ZNF423: variants seen among roughly 807,000 people sequenced by gnomAD.
The protein encoded by ZNF423 is zinc finger protein 423, also known as Ebf-associated zinc finger protein.
ZNF423 carries 12 observed loss-of-function variants against 95.8 expected under a neutral mutation model. That is an observed-to-expected ratio of 0.13 (90% CI 0.08 to 0.20). ZNF423 has a LOEUF of 0.20. ZNF423 is among the 10% of genes least tolerant of loss of function. The pLI, the probability that ZNF423 is intolerant of heterozygous loss-of-function variation, is 1.00. For missense variants in ZNF423, 1,316 were observed against 1,737.1 expected (o/e 0.76, Z 4.31); for synonymous variants, 749 against 711.9 (o/e 1.05, Z -0.83).
intron 2 of ZNF423, among the ~76,000 whole-genome samples, chr16:49,737,078 C>T (rs1276063969): frequency 6.6e-6 from 1 of 152,036 alleles, no homozygotes; most frequent in Non-Finnish European, 1.5e-5. Flanking sequence ...ACTCACACTG[C>T]CCCATTTCGA....
rs544389788 is a variant in ZNF423 at position 49,660,284 on chromosome 16, A to AATGGATGG, written c.302-21418_302-21411dup. On this transcript the variant is annotated intron_variant, in intron 3 of 7. Transcript: ENST00000563137. The stretch of plus-strand genomic sequence containing the variant: ...TAACTGTGGCATGAATAAATGAATA[A>AATGGATGG]ATGGATGGATGGATGGATGAAATAC... Among the ~76,000 whole-genome samples the AATGGATGG allele has an allele frequency of 1.7e-3, 253 of 152,284 alleles. 4 individuals carry two copies. The highest frequency in any genetic ancestry group is 5.8e-3 in the African/African-American group (242 of 41,554).
chr16:49,556,681 A>G (rs1469884097), intron 5 of ZNF423, among the ~76,000 whole-genome samples: 1 of 152,188 alleles, frequency 6.6e-6, no homozygotes, highest in African/African-American at 2.4e-5. Flanking sequence ...TTCTTTATCC[A>G]CAAGAGAGCA....
chr16:49,572,979 T>C (rs1970396721), intron 5 of ZNF423, among the ~76,000 whole-genome samples: 1 of 152,148 alleles, frequency 6.6e-6, no homozygotes, highest in African/African-American at 2.4e-5. Flanking sequence ...ATGTAGGCTC[T>C]CCATAAGGGA....
chr16:49,715,361 C>T (rs917201653), intron 3 of ZNF423, among the ~76,000 whole-genome samples: 1 of 152,098 alleles, frequency 6.6e-6, no homozygotes, highest in African/African-American at 2.4e-5. Flanking sequence ...GAGAGCTATC[C>T]ACGTGAAAAG....
intron 3 of ZNF423, among the ~76,000 whole-genome samples, chr16:49,725,779 A>G (rs1432764306): frequency 6.6e-6 from 1 of 152,176 alleles, no homozygotes; most frequent in East Asian, 1.9e-4. Context: ...TGGAGGAGGC[A>G]ACACCTGCTC....
At chr16:49,592,120 A>G (rs1971028718) in intron 5 of ZNF423, among the ~76,000 whole-genome samples, 1 of 152,242 alleles carries the variant, frequency 6.6e-6, no homozygotes, top group Non-Finnish European at 1.5e-5. Flanking sequence ...CTATTTATTG[A>G]TATGTCTACT....
chr16:49,698,918 A>G (rs1176556772), intron 3 of ZNF423, among the ~76,000 whole-genome samples: 1 of 152,240 alleles, frequency 6.6e-6, no homozygotes, highest in Non-Finnish European at 1.5e-5. Context: ...GAAACCCACC[A>G]GAGACCCGCG....
Position 49,728,078 on chromosome 16 carries a change from C to T in ZNF423, c.301+2693G>A, listed in dbSNP as rs79071734. On this transcript the variant is annotated intron_variant, in intron 3 of 7. Coordinates refer to ENST00000563137, the MANE Select transcript of ZNF423 (RefSeq NM_001379286.1). ...AGTGCCCCCTCAGTCTGACAGGCCC[C>T]AGTACTCACTTCCTACACCCCAAAC... 8.1e-4 allele frequency among the ~76,000 whole-genome samples: 124 copies of T among 152,316 alleles called. 1 individual carries two copies. Among genetic ancestry groups the T allele is most frequent in the Middle Eastern group, 3.4e-3 (1 of 294 alleles).
chr16:49,703,396 G>A (rs559092038), intron 3 of ZNF423, among the ~76,000 whole-genome samples: 2 of 152,300 alleles, frequency 1.3e-5, no homozygotes, highest in African/African-American at 4.8e-5. Context: ...ATGGGGTGGG[G>A]GTTTCCCAGG....
chr16:49,749,945 A>T (rs2033601862), intron 2 of ZNF423, among the ~76,000 whole-genome samples: 2 of 152,162 alleles, frequency 1.3e-5, no homozygotes, highest in African/African-American at 4.8e-5. Flanking sequence ...CTGCTTCAGC[A>T]TTGCTGCCAT....
At chr16:49,504,739 C>G (rs1329927563) in intron 7 of ZNF423, among the ~76,000 whole-genome samples, 1 of 152,160 alleles carries the variant, frequency 6.6e-6, no homozygotes, top group Non-Finnish European at 1.5e-5. Flanking sequence ...CCACAGCATC[C>G]CAGGACAACA....
chr16:49,761,802 A>T (rs1449765103), intron 2 of ZNF423, among the ~76,000 whole-genome samples: 1 of 152,184 alleles, frequency 6.6e-6, no homozygotes, highest in Non-Finnish European at 1.5e-5. Flanking sequence ...TAATAAGGGA[A>T]TGAATACATG....
At chr16:49,853,287 G>A (rs2035321406) in intron 1 of ZNF423, among the ~76,000 whole-genome samples, 1 of 132,422 alleles carries the variant, frequency 7.6e-6, no homozygotes, top group Non-Finnish European at 1.6e-5. Flanking sequence ...TATTGCTTAA[G>A]AGAAGGGGCG....
chr16:49,556,630 G>A (rs568377810), intron 5 of ZNF423, among the ~76,000 whole-genome samples: 1 of 152,306 alleles, frequency 6.6e-6, no homozygotes, highest in South Asian at 2.1e-4. Context: ...GTAAACAAGA[G>A]TTCAGCCACT....
At chr16:49,728,323 T>G (rs2033080102) in intron 3 of ZNF423, among the ~76,000 whole-genome samples, 4 of 152,194 alleles carry the variant, frequency 2.6e-5, no homozygotes, top group Admixed American at 2.6e-4. Context: ...GGTCATGCCT[T>G]TACCAGGCGG....
intron 3 of ZNF423, among the ~76,000 whole-genome samples, chr16:49,696,063 C>G (rs1008535230): frequency 6.6e-6 from 1 of 152,200 alleles, no homozygotes; most frequent in African/African-American, 2.4e-5. Context: ...GCTTCTTTGA[C>G]CCCAGTGGAC....
At chr16:49,854,949 G>A in intron 1 of ZNF423, 1 of 985,010 alleles carries the variant, frequency 1.0e-6, no homozygotes, top group Non-Finnish European at 1.2e-6. Context: ...GGGTGCCGGT[G>A]CCCGGGGTCA....
intron 3 of ZNF423, among the ~76,000 whole-genome samples, chr16:49,688,077 T>G (rs1293813899): frequency 5.0e-5 from 5 of 100,928 alleles, no homozygotes; most frequent in Admixed American, 1.1e-4. Context: ...TTTTCGCAAG[T>G]CTCCCTGGTT....
At chr16:49,509,777 A>C (rs913351120) in intron 7 of ZNF423, among the ~76,000 whole-genome samples, 2 of 152,210 alleles carry the variant, frequency 1.3e-5, no homozygotes, top group Admixed American at 6.5e-5. Context: ...TCAGTAACAC[A>C]AAACATCCTG....
Sources: allele counts gnomAD v4.1 joint callset (sites outside exome capture counted in the v4.1 genomes callset), GRCh38; gene constraint gnomAD v4.1.1; transcripts MANE v1.5; gene names NCBI Gene and HGNC (gene_info 2026-07-23, HGNC 2026-07-21).